ABHD4: variants seen among roughly 807,000 people sequenced by gnomAD.
The protein encoded by ABHD4 is abhydrolase domain containing 4, N-acyl phospholipase B, also known as (Lyso)-N-acylphosphatidylethanolamine lipase.
A neutral mutation model predicts 42.3 loss-of-function variants in ABHD4; 35 were observed. The observed-to-expected ratio is 0.83, with a 90% CI of 0.63 to 1.10. The LOEUF (loss-of-function observed/expected upper bound fraction) is 1.10. Ranked by LOEUF, ABHD4 falls within the 50% of genes least tolerant of loss-of-function variation. The pLI, the probability that ABHD4 is intolerant of heterozygous loss-of-function variation, is 0.00. For missense variants in ABHD4, 389 were observed against 454.8 expected, an observed-to-expected ratio of 0.86 and a Z score of 1.32; for synonymous variants, 169 against 170.6, an observed-to-expected ratio of 0.99 and a Z score of 0.07.
chr14:22,605,223 C>G (rs1376814742), intron 4 of ABHD4, among the ~76,000 whole-genome samples: 1 of 152,200 alleles, frequency 6.6e-6, no homozygotes, highest in Non-Finnish European at 1.5e-5. Flanking sequence ...TGACCTCACA[C>G]TGCCAGCACC....
intron 1 of ABHD4, 79 bp downstream of exon 1, chr14:22,598,408 C>G (rs908897432): frequency 1.9e-6 from 3 of 1,550,708 alleles, no homozygotes; most frequent in Admixed American, 2.0e-5. Flanking sequence ...GGCTGAGGAA[C>G]AGTTGTAGAC....
At chr14:22,603,042 G>A (rs1347964370) in intron 2 of ABHD4, among the ~76,000 whole-genome samples, 1 of 152,146 alleles carries the variant, frequency 6.6e-6, no homozygotes, top group Non-Finnish European at 1.5e-5. Context: ...GAAGGTCAAA[G>A]GTGAGGGATG....
chr14:22,606,200 T>C (rs1367917076), intron 4 of ABHD4, among the ~76,000 whole-genome samples: 1 of 152,182 alleles, frequency 6.6e-6, no homozygotes, highest in Non-Finnish European at 1.5e-5. Context: ...TTAGATTGTC[T>C]CTAAATTCTC....
chr14:22,605,841 C>G (rs1235128544), intron 4 of ABHD4: 1 of 1,288,490 alleles, frequency 7.8e-7, no homozygotes, highest in South Asian at 1.2e-5. Context: ...ACCAGTAGAC[C>G]TCATTTTTAC....
chr14:22,601,870 G>A, intron 2 of ABHD4, 115 bp downstream of exon 2: 7 of 889,102 alleles, frequency 7.9e-6, no homozygotes, highest in African/African-American at 1.7e-5. Context: ...GTGTGTATGG[G>A]GTGGGAGGAA....
At chr14:22,599,448 C>G (rs968459016) in intron 1 of ABHD4, among the ~76,000 whole-genome samples, 5 of 152,158 alleles carry the variant, frequency 3.3e-5, no homozygotes, top group African/African-American at 1.2e-4. Context: ...TGACAGAGAC[C>G]GTCCTAGCCA....
In ABHD4 at chr14:22,611,241, A is replaced by T; in HGVS notation, c.*293A>T. 2.6e-6 allele frequency: 1 copy of T among 384,010 alleles called. No individual in the cohort carries two copies. Among genetic ancestry groups the T allele is most frequent in the Non-Finnish European group, 4.9e-6 (1 of 203,318 alleles). The allele number at this position is 384,010 out of a possible 1,614,324, so 23.8% of individuals were successfully genotyped here. Reference sequence around the variant, plus strand: ...TGTTACCCAGATGGTGGAGGATGTGAAGGGATTGCACCAAGCCACATTCAC... The same window carrying T: ...TGTTACCCAGATGGTGGAGGATGTGTAGGGATTGCACCAAGCCACATTCAC... On this transcript the variant is annotated 3_prime_UTR_variant, in exon 7 of 7. Coordinates refer to ENST00000428304, the MANE Select transcript of ABHD4 (RefSeq NM_022060.3).
chr14:22,601,367 A>G (rs2037282681), intron 1 of ABHD4, among the ~76,000 whole-genome samples: 1 of 152,240 alleles, frequency 6.6e-6, no homozygotes, highest in South Asian at 2.1e-4. Context: ...ATAATCAGTA[A>G]CAAGGAGAAA....
intron 6 of ABHD4, among the ~76,000 whole-genome samples, chr14:22,610,538 A>G (rs1313140953): frequency 6.6e-6 from 1 of 152,092 alleles, no homozygotes; most frequent in African/African-American, 2.4e-5. Flanking sequence ...CCTCTCCGCC[A>G]TGTGCCAATG....
Position 22,611,015 on chromosome 14 carries a change from C to T in ABHD4, c.*67C>T. ...TCTTACCTCCCTGTCTGCTTACTCA[C>T]CCACTCTGTCCTTTCCTCACCAACT... On this transcript the variant is annotated 3_prime_UTR_variant, in exon 7 of 7. Coordinates refer to ENST00000428304, the MANE Select transcript of ABHD4 (RefSeq NM_022060.3). 2.9e-6 allele frequency: 4 copies of T among 1,390,946 alleles called. No individual in the cohort carries two copies. The highest frequency in any genetic ancestry group is 4.1e-6 in the Non-Finnish European group (4 of 985,414). 86.2% of individuals were successfully genotyped at this position (1,390,946 alleles called of 1,614,324 possible).
intron 5 of ABHD4, among the ~76,000 whole-genome samples, chr14:22,608,561 G>A (rs1265057127): frequency 6.6e-6 from 1 of 152,132 alleles, no homozygotes; most frequent in East Asian, 1.9e-4. Context: ...TACTACTATA[G>A]TACTCACTTT....
chr14:22,610,875 C>T lies in ABHD4; in HGVS notation c.956C>T (p.Ser319Phe), dbSNP rs1281594862. The T allele has an allele frequency of 1.9e-6, 3 of 1,614,096 alleles. No individual in the cohort carries two copies. Among genetic ancestry groups the T allele is most frequent in the Non-Finnish European group, 1.7e-6 (2 of 1,180,008 alleles). The change falls in exon 7 of 7, where the codon TCC (serine) becomes TTC (phenylalanine). Residue 319 changes from serine to phenylalanine, a missense_variant. Physicochemically the swap from Ser to Phe is radical, Grantham distance 155 (BLOSUM62 -2). Coordinates refer to ENST00000428304, the MANE Select transcript of ABHD4 (RefSeq NM_022060.3). ...TCTCCACAGGAGATTAAGGGTGCCTCCCACCATGTCTATGCTGACCAGCCA... is the reference window on the plus strand; with the variant it reads ...TCTCCACAGGAGATTAAGGGTGCCTTCCACCATGTCTATGCTGACCAGCCA... ...YVRDMEIKGA[S>F]HHVYADQPHI...
chr14:22,607,345 G>C (rs974420192), intron 5 of ABHD4, among the ~76,000 whole-genome samples: 5 of 152,122 alleles, frequency 3.3e-5, no homozygotes, highest in Non-Finnish European at 7.4e-5. Context: ...CTGATACCAC[G>C]AGGCCATGTT....
At chr14:22,598,705 C>T in intron 1 of ABHD4, 2 of 390,910 alleles carry the variant, frequency 5.1e-6, no homozygotes, top group South Asian at 4.2e-5. Context: ...TCTCGACTTG[C>T]CCCCCAGAAC....
intron 5 of ABHD4, among the ~76,000 whole-genome samples, chr14:22,609,241 G>A (rs938922647): frequency 3.3e-5 from 5 of 151,934 alleles, no homozygotes; most frequent in South Asian, 2.1e-4. Flanking sequence ...CAAATGATCC[G>A]CCCGCCTCGG....
intron 4 of ABHD4, among the ~76,000 whole-genome samples, chr14:22,605,062 C>T (rs1031173604): frequency 1.3e-5 from 2 of 152,188 alleles, no homozygotes; most frequent in Non-Finnish European, 2.9e-5. Context: ...CTGAACCATG[C>T]ACTTGTCCAG....
chr14:22,602,135 G>A (rs971609243), intron 2 of ABHD4, among the ~76,000 whole-genome samples: 3 of 151,736 alleles, frequency 2.0e-5, no homozygotes, highest in African/African-American at 7.3e-5. Context: ...ACCACCTGCA[G>A]ATCCTTGGCC....
At chr14:22,600,026 GA>G (rs1379830219) in intron 1 of ABHD4, 2 of 289,914 alleles carry the variant, frequency 6.9e-6, no homozygotes, top group East Asian at 2.0e-4. Flanking sequence ...TGGGGGGAAA[GA>G]AAGTTGATTG....
At chr14:22,602,610 A>G (rs948842327) in intron 2 of ABHD4, among the ~76,000 whole-genome samples, 1 of 152,202 alleles carries the variant, frequency 6.6e-6, no homozygotes, top group Admixed American at 6.5e-5. Flanking sequence ...TCAAGCCCCA[A>G]GCACACACAG....
Sources: gnomAD v4.1 joint callset for allele counts (sites outside exome capture counted in the v4.1 genomes callset) on GRCh38, gnomAD v4.1.1 for gene constraint, MANE v1.5 for transcripts, NCBI Gene and HGNC (gene_info 2026-07-23, HGNC 2026-07-21) for gene names.